INTS6: variants seen among roughly 807,000 people sequenced by gnomAD.
INTS6 encodes the protein integrator complex subunit 6, also known as DEAD box protein.
Under a neutral mutation model 104.9 loss-of-function variants are expected in INTS6, and 16 were observed. The ratio of observed to expected loss-of-function variants is 0.15; its 90% CI spans 0.10 to 0.23. The LOEUF (loss-of-function observed/expected upper bound fraction) is 0.23. Ranked by LOEUF, INTS6 falls within the 10% of genes least tolerant of loss-of-function variation. The pLI is 1.00. For synonymous variants in INTS6, 324 were observed against 358.7 expected (o/e 0.90, Z 1.09); for missense variants, 584 against 1,062.8 (o/e 0.55, Z 6.26).
In INTS6 at chr13:51,364,307, T is replaced by G. The variant is rs532147131; in HGVS notation, c.*1445A>C. On this transcript the variant is annotated 3_prime_UTR_variant, in exon 18 of 18. Coordinates refer to ENST00000311234, the MANE Select transcript of INTS6 (RefSeq NM_012141.3). ...AATGCATGTTCTCCACTTTCATCAA[T>G]GCTTTTCTTCATAAAGTTATAATTT... 2.2e-6 allele frequency: 3 copies of G among 1,350,922 alleles called. No individual in the cohort carries two copies. The highest frequency in any genetic ancestry group is 3.0e-6 in the Non-Finnish European group (3 of 993,510). The allele number at this position is 1,350,922 out of a possible 1,614,324, so 83.7% of individuals were successfully genotyped here.
rs370406014 is a variant in INTS6 at position 51,382,132 on chromosome 13, G to A, written c.1181-9C>T. ...CACTTTAAACAAGTCATCTAGAAAC[G>A]TATAATGTGAACAAACTATCACTAC... is the stretch of plus-strand genomic sequence containing the variant. On this transcript the variant is annotated splice_polypyrimidine_tract_variant and intron_variant, in intron 9 of 17. Transcript: ENST00000311234. 1.2e-5 allele frequency: 19 copies of A among 1,558,754 alleles called. No homozygotes were observed. The highest frequency in any genetic ancestry group is 8.2e-5 in the African/African-American group (6 of 73,618).
chr13:51,337,342 A>G, the INTS6 span, among the ~76,000 whole-genome samples: 1 of 152,230 alleles, frequency 6.6e-6, no homozygotes, highest in African/African-American at 2.4e-5. Flanking sequence ...ATTTGTTTAT[A>G]AGAATCGGCT....
chr13:51,375,739 GTGT>G (rs1955911898), intron 13 of INTS6, among the ~76,000 whole-genome samples: 1 of 134,812 alleles, frequency 7.4e-6, no homozygotes, highest in Admixed American at 7.3e-5. Flanking sequence ...AAGTGGGTGT[GTGT>G]GTGTGTGTGT....
the INTS6 span, chr13:51,347,052 G>A: frequency 6.3e-7 from 1 of 1,591,654 alleles, no homozygotes; most frequent in South Asian, 1.1e-5. Flanking sequence ...GGCCCTGGTG[G>A]CTGGCCGTGG....
At chr13:51,382,271 GT>G in intron 9 of INTS6, 148 bp from the exon 10 acceptor site, 1 of 470,216 alleles carries the variant, frequency 2.1e-6, no homozygotes, top group South Asian at 2.8e-5. Flanking sequence ...AAGATTTACG[GT>G]TTTGTCATTT....
At chr13:51,406,773 C>G (rs1424287422) in intron 4 of INTS6, among the ~76,000 whole-genome samples, 6 of 152,192 alleles carry the variant, frequency 3.9e-5, no homozygotes, top group African/African-American at 1.4e-4. Context: ...GATCCCTCTT[C>G]TTTTATGCTC....
Position 51,388,369 on chromosome 13 carries a change from T to TGTG in INTS6, c.740-830_740-829insCAC, listed in dbSNP as rs1442473707. ...CTCTAAATCTTTGTGTGTGTGTGTG[T>TGTG]TTTGTTTTTTTTTGTTTTTGTTTTT... On this transcript the variant is annotated intron_variant, in intron 6 of 17. Transcript: ENST00000311234. 1.6e-4 allele frequency among the ~76,000 whole-genome samples: 24 copies of TGTG among 149,678 alleles called. No individual in the cohort carries two copies. The East Asian group carries it at 4.0e-3, about 25-fold the overall frequency.
chr13:51,412,559 G>A (rs546847617), intron 4 of INTS6, among the ~76,000 whole-genome samples: 25 of 152,250 alleles, frequency 1.6e-4, no homozygotes, highest in Admixed American at 1.2e-3. Flanking sequence ...AAGCGCACAC[G>A]TGAGCTCTCT....
At chr13:51,399,487 C>T (rs1018510614) in intron 4 of INTS6, among the ~76,000 whole-genome samples, 1 of 152,150 alleles carries the variant, frequency 6.6e-6, no homozygotes, top group Non-Finnish European at 1.5e-5. Context: ...AATTACAGTA[C>T]ATGTATTTGT....
chr13:51,415,217 A>T (rs1475176400), intron 4 of INTS6, among the ~76,000 whole-genome samples: 1 of 152,176 alleles, frequency 6.6e-6, no homozygotes, highest in African/African-American at 2.4e-5. Flanking sequence ...GAAAAATTTC[A>T]ATCTCACAGA....
chr13:51,450,064 G>A (rs1953003006), intron 3 of INTS6: 1 of 985,346 alleles, frequency 1.0e-6, no homozygotes, highest in Non-Finnish European at 1.2e-6. Flanking sequence ...TGTAGTCACA[G>A]AAAGAATTTC....
chr13:51,374,216 A>G lies in INTS6; in HGVS notation c.2096T>C (p.Leu699Pro), dbSNP rs141541603. The G allele has an allele frequency of 3.1e-6, 5 of 1,610,460 alleles. No homozygotes were observed. The highest frequency in any genetic ancestry group is 4.2e-6 in the Non-Finnish European group (5 of 1,177,420). ...AQPDLIKPLP[L>P]HKISETTNDS... is the part of the protein sequence containing the mutation. ...AAAAAAACAATTCTTACTTTTATGAAGAGGAAGAGGTTTAATAAGATCTGG... is the reference window on the plus strand; with the variant it reads ...AAAAAAACAATTCTTACTTTTATGAGGAGGAAGAGGTTTAATAAGATCTGG... The change falls in exon 15 of 18, where the codon CTT becomes CCT. Residue 699 changes from leucine to proline, a missense_variant. Physicochemically the swap from Leu to Pro is moderately conservative, Grantham distance 98. Coordinates refer to ENST00000311234, the MANE Select transcript of INTS6 (RefSeq NM_012141.3).
intron 4 of INTS6, among the ~76,000 whole-genome samples, chr13:51,415,170 C>T (rs1299984844): frequency 6.6e-6 from 1 of 150,452 alleles, no homozygotes; most frequent in Non-Finnish European, 1.5e-5. Context: ...CAGAACCGTT[C>T]ACTTAAAAAA....
At chr13:51,417,777 T>G (rs145706343) in intron 4 of INTS6, among the ~76,000 whole-genome samples, 29 of 152,296 alleles carry the variant, frequency 1.9e-4, no homozygotes, top group African/African-American at 6.7e-4. Context: ...TCTTTTCTCA[T>G]TAAACTGTCT....
intron 7 of INTS6, among the ~76,000 whole-genome samples, chr13:51,386,878 G>A (rs915687595): frequency 2.6e-5 from 4 of 151,908 alleles, no homozygotes; most frequent in African/African-American, 4.8e-5. Flanking sequence ...CACCATGATC[G>A]CTCAGCAAAC....
chr13:51,406,740 C>T (rs1956574403), intron 4 of INTS6, among the ~76,000 whole-genome samples: 2 of 152,168 alleles, frequency 1.3e-5, no homozygotes, highest in African/African-American at 2.4e-5. Flanking sequence ...TCAAGTCCAA[C>T]CTTCTTTTCC....
intron 4 of INTS6, among the ~76,000 whole-genome samples, chr13:51,398,729 TAAAAAAAA>T (rs77125249): frequency 7.9e-6 from 1 of 126,468 alleles, no homozygotes; most frequent in Non-Finnish European, 1.7e-5. Flanking sequence ...ATAAGATGTT[TAAAAAAAA>T]AAAAAAAAGC....
At chr13:51,392,295 T>C (rs552134441) in intron 5 of INTS6, among the ~76,000 whole-genome samples, 93 of 152,388 alleles carry the variant, frequency 6.1e-4, no homozygotes, top group Non-Finnish European at 1.1e-3. Context: ...GGCCTCTGCC[T>C]ACCCTCTAAA....
At chr13:51,436,233 C>A (rs1306561866) in intron 3 of INTS6, among the ~76,000 whole-genome samples, 1 of 151,958 alleles carries the variant, frequency 6.6e-6, no homozygotes, top group Non-Finnish European at 1.5e-5. Context: ...TAACCATGTG[C>A]ATTTATTATA....
Sources: allele counts gnomAD v4.1 joint callset (sites outside exome capture counted in the v4.1 genomes callset), GRCh38; gene constraint gnomAD v4.1.1; transcripts MANE v1.5; gene names NCBI Gene and HGNC (gene_info 2026-07-23, HGNC 2026-07-21).